The following PLCB1 variants were observed in gnomAD, a reference collection of about 807,000 sequenced individuals.
PLCB1 encodes 1-phosphatidylinositol 4,5-bisphosphate phosphodiesterase beta-1.
A neutral mutation model predicts 161.8 loss-of-function variants in PLCB1; 46 were observed. The observed-to-expected ratio is 0.28, with a 90% confidence interval of 0.22 to 0.36. The LOEUF (loss-of-function observed/expected upper bound fraction) is 0.36, where lower values mean the gene tolerates loss of function less well. Among genes scored for constraint, PLCB1 ranks in the 10% least tolerant of loss-of-function variants. The pLI, the probability that PLCB1 is intolerant of heterozygous loss-of-function variation, is 1.00. For synonymous variants in PLCB1, 517 were observed against 503.7 expected (o/e 1.03, Z -0.35); for missense variants, 1,016 against 1,472.5 (o/e 0.69, Z 5.07).
intron 23 of PLCB1, chr20:8,752,206 TATC>T (rs1293225719): frequency 1.3e-5 from 2 of 152,238 alleles, no homozygotes; most frequent in East Asian, 3.8e-4. Context: ...AAGCTGCTGT[TATC>T]ATAGAGTGGA....
chr20:8,323,362 A>G lies in PLCB1; in HGVS notation c.178-48020A>G, dbSNP rs899697454. 1.6e-4 allele frequency among the ~76,000 whole-genome samples: 25 copies of G among 152,294 alleles called. No individual in the cohort carries two copies. The East Asian group carries it at 4.4e-3, about 27-fold the overall frequency. The stretch of plus-strand genomic sequence containing the variant: ...TTATCTATTGTGGTTCTGTGGGTCA[A>G]CTAGTCCAGGCTAGATAATAATCTT... On this transcript the variant is annotated intron_variant, in intron 2 of 31. Transcript: ENST00000338037.
chr20:8,710,482 A>T (rs1197547777), intron 12 of PLCB1, among the ~76,000 whole-genome samples: 3 of 133,330 alleles, frequency 2.3e-5, no homozygotes, highest in Non-Finnish European at 3.2e-5. Context: ...TTCAGGTATT[A>T]TAGTTTCGAC....
At chr20:8,445,539 T>C (rs1980784038) in intron 3 of PLCB1, among the ~76,000 whole-genome samples, 1 of 152,046 alleles carries the variant, frequency 6.6e-6, no homozygotes, top group African/African-American at 2.4e-5. Context: ...GGCTCTTTTT[T>C]GGTTCCATAT....
At position 8,417,071 on chromosome 20, in the gene PLCB1, ATATTTTTTTTTT is replaced by A. The variant is rs1443256289; in HGVS notation, c.246+45623_246+45634del. Among the ~76,000 whole-genome samples, 8 of 51,658 alleles carry A rather than the reference ATATTTTTTTTTT, an allele frequency of 1.5e-4. 1 individual carries two copies. The highest frequency in any genetic ancestry group is 1.3e-3 in the South Asian group (2 of 1,590). The allele number at this position is 51,658 out of a possible 152,430, so 33.9% of individuals were successfully genotyped here. A position where few individuals can be genotyped will look rare whatever the true frequency, so the allele number is the denominator to read the frequency against. On this transcript the variant is annotated intron_variant, in intron 3 of 31. Transcript: ENST00000338037. Reference sequence around the variant, plus strand: ...CACACACACATATATATATATATATATATTTTTTTTTTTTTTTTTTTTTTTTTTTTTTTGAGA... The same window carrying A: ...CACACACACATATATATATATATATATTTTTTTTTTTTTTTTTTTTTGAGA...
chr20:8,560,491 A>G (rs1986107324), intron 3 of PLCB1, among the ~76,000 whole-genome samples: 1 of 152,014 alleles, frequency 6.6e-6, no homozygotes, highest in Non-Finnish European at 1.5e-5. Context: ...AGAAAGCATT[A>G]TGGATTAATG....
intron 3 of PLCB1, among the ~76,000 whole-genome samples, chr20:8,540,772 C>T (rs1005058677): frequency 6.6e-6 from 1 of 152,090 alleles, no homozygotes; most frequent in Admixed American, 6.5e-5. Flanking sequence ...TGTTGACAGA[C>T]AGCAAATAAA....
intron 3 of PLCB1, among the ~76,000 whole-genome samples, chr20:8,430,854 A>T (rs542911186): frequency 1.3e-5 from 2 of 152,124 alleles, no homozygotes; most frequent in East Asian, 3.9e-4. Context: ...GCTACTCAGG[A>T]GGCTGAGGCA....
intron 2 of PLCB1, among the ~76,000 whole-genome samples, chr20:8,181,248 CAAAAAAAAAAAAAA>C (rs60871672): frequency 2.5e-5 from 2 of 81,316 alleles, no homozygotes; most frequent in Non-Finnish European, 5.3e-5. Flanking sequence ...GACTCTGTCT[CAAAAAAAAAAAAAA>C]AAAAAAAGAA....
intron 3 of PLCB1, among the ~76,000 whole-genome samples, chr20:8,525,936 T>C (rs927695383): frequency 1.2e-4 from 19 of 152,212 alleles, no homozygotes; most frequent in Middle Eastern, 6.8e-3. Flanking sequence ...GTATTTTTTT[T>C]CCAAAGCATC....
chr20:8,605,201 TATGTGTGAACAC>T (rs1987719132), intron 3 of PLCB1, among the ~76,000 whole-genome samples: 1 of 152,152 alleles, frequency 6.6e-6, no homozygotes, highest in African/African-American at 2.4e-5. Context: ...AGTATATATG[TATGTGTGAACAC>T]ATATCACACA....
intron 2 of PLCB1, among the ~76,000 whole-genome samples, chr20:8,308,355 G>A (rs148770778): frequency 6.7e-6 from 1 of 149,590 alleles, no homozygotes; most frequent in African/African-American, 2.4e-5. Flanking sequence ...AGTGGCTCAT[G>A]CCTGTAATCC....
chr20:8,743,433 C>A (rs1262369447), intron 23 of PLCB1, among the ~76,000 whole-genome samples: 1 of 152,048 alleles, frequency 6.6e-6, no homozygotes, highest in Non-Finnish European at 1.5e-5. Context: ...TAGCTCAGTA[C>A]CTTGTTTGTG....
intron 2 of PLCB1, among the ~76,000 whole-genome samples, chr20:8,205,845 T>G (rs1978498524): frequency 6.6e-6 from 1 of 152,058 alleles, no homozygotes; most frequent in Non-Finnish European, 1.5e-5. Flanking sequence ...AATGAATGGT[T>G]TTTGAGGCTG....
intron 3 of PLCB1, among the ~76,000 whole-genome samples, chr20:8,613,901 C>A (rs1034694003): frequency 6.6e-6 from 1 of 151,556 alleles, no homozygotes; most frequent in Non-Finnish European, 1.5e-5. Flanking sequence ...GGAGAAAATG[C>A]CACATCATTT....
At chr20:8,453,893 T>C (rs1486569505) in intron 3 of PLCB1, among the ~76,000 whole-genome samples, 1 of 152,152 alleles carries the variant, frequency 6.6e-6, no homozygotes, top group African/African-American at 2.4e-5. Context: ...AAATAAGGCC[T>C]CTAAAGAAGT....
At chr20:8,637,347 G>T (rs566009952) in intron 4 of PLCB1, among the ~76,000 whole-genome samples, 73 of 152,178 alleles carry the variant, frequency 4.8e-4, no homozygotes, top group South Asian at 1.2e-3. Context: ...ATATTTACAG[G>T]CATAATCAGC....
At chr20:8,244,251 T>C (rs1980762395) in intron 2 of PLCB1, among the ~76,000 whole-genome samples, 1 of 151,942 alleles carries the variant, frequency 6.6e-6, no homozygotes, top group South Asian at 2.1e-4. Context: ...CTAAGATAAA[T>C]GATCATATGT....
In PLCB1 at chr20:8,399,737, CTTTA is replaced by C. The variant is rs550123798; in HGVS notation, c.246+28291_246+28294del. On this transcript the variant is annotated intron_variant, in intron 3 of 31. Transcript: ENST00000338037. ...GAATGCCATTTTCTAGTTTTCAAAA[CTTTA>C]TTTTTTTTACTTTATTTTTTCAAAT... Among the ~76,000 whole-genome samples the C allele has an allele frequency of 4.5e-3, 681 of 152,076 alleles. 4 individuals are homozygous for C. The highest frequency in any genetic ancestry group is 0.014 in the Middle Eastern group (4 of 294).
chr20:8,292,449 T>C (rs6039125), intron 2 of PLCB1, among the ~76,000 whole-genome samples: 68,598 of 151,860 alleles, frequency 0.45, 16,488 homozygotes, highest in East Asian at 0.61. Context: ...TTCATAGATA[T>C]TTAGCAATGA....
Sources: gnomAD v4.1 joint callset for allele counts (sites outside exome capture counted in the v4.1 genomes callset) on GRCh38, gnomAD v4.1.1 for gene constraint, MANE v1.5 for transcripts, NCBI Gene and HGNC (gene_info 2026-07-23, HGNC 2026-07-21) for gene names.